Variants in VPS35L observed in about 807,000 individuals in gnomAD.
The protein encoded by VPS35L is VPS35 endosomal protein-sorting factor-like.
A neutral mutation model predicts 133.0 loss-of-function variants in VPS35L; 83 were observed. That is an observed-to-expected ratio of 0.62 (90% CI 0.52 to 0.75). The LOEUF (loss-of-function observed/expected upper bound fraction) is 0.75. Ranked by LOEUF, VPS35L falls within the 30% of genes least tolerant of loss-of-function variation. The pLI is 0.00. For missense variants in VPS35L, 1,083 were observed against 1,206.8 expected (o/e 0.90, Z 1.52); for synonymous variants, 423 against 449.9 (o/e 0.94, Z 0.76).
chr16:19,693,917 C>G (rs1975800608), intron 29 of VPS35L: 1 of 146,674 alleles, frequency 6.8e-6, no homozygotes, highest in African/African-American at 2.6e-5. Context: ...CCACTGCACT[C>G]CAGCCTAGGC....
At chr16:19,665,713 C>T (rs571661762) in intron 26 of VPS35L, among the ~76,000 whole-genome samples, 4 of 152,114 alleles carry the variant, frequency 2.6e-5, no homozygotes, top group Non-Finnish European at 5.9e-5. Flanking sequence ...ATTGCTGGAT[C>T]CTATGGTAGC....
chr16:19,623,606 CCAA>C (rs1480319573), intron 14 of VPS35L, among the ~76,000 whole-genome samples: 1 of 152,060 alleles, frequency 6.6e-6, no homozygotes. Flanking sequence ...AACAGTATCT[CCAA>C]CGTCAGCTCT....
chr16:19,583,721 A>G (rs1395681455), intron 7 of VPS35L, among the ~76,000 whole-genome samples: 1 of 143,714 alleles, frequency 7.0e-6, no homozygotes, highest in Non-Finnish European at 1.5e-5. Context: ...GATTGTCTCA[A>G]AAAAAAAAAA....
At chr16:19,613,874 G>A (rs1972804873) in intron 12 of VPS35L, among the ~76,000 whole-genome samples, 2 of 152,294 alleles carry the variant, frequency 1.3e-5, no homozygotes, top group South Asian at 4.1e-4. Flanking sequence ...AGCAATGGGG[G>A]GGATGAATGC....
intron 4 of VPS35L, 86 bp from the exon 5 acceptor site, chr16:19,575,012 C>T: frequency 1.8e-6 from 2 of 1,097,198 alleles, no homozygotes; most frequent in South Asian, 3.0e-5. Flanking sequence ...ATTTCTTTCT[C>T]TTGGGTATGT....
chr16:19,689,799 T>C (rs1219413033), intron 28 of VPS35L, among the ~76,000 whole-genome samples: 1 of 152,174 alleles, frequency 6.6e-6, no homozygotes, highest in Non-Finnish European at 1.5e-5. Context: ...GCATAATATA[T>C]ATAGGATTCA....
At chr16:19,696,775 A>C (rs930002045) in intron 29 of VPS35L, among the ~76,000 whole-genome samples, 1 of 152,198 alleles carries the variant, frequency 6.6e-6, no homozygotes, top group Non-Finnish European at 1.5e-5. Context: ...TTGAGAAGAT[A>C]TGGAATGGAG....
At chr16:19,634,006 A>G (rs1973542726) in intron 19 of VPS35L, among the ~76,000 whole-genome samples, 1 of 151,730 alleles carries the variant, frequency 6.6e-6, no homozygotes, top group Admixed American at 6.6e-5. Context: ...GATTACAGGC[A>G]TGAGCCACTG....
intron 29 of VPS35L, chr16:19,694,144 C>G (rs1975817609): frequency 6.7e-6 from 1 of 149,714 alleles, no homozygotes; most frequent in Non-Finnish European, 1.5e-5. Context: ...ACCCCAAATA[C>G]CCTGGCACAA....
intron 28 of VPS35L, among the ~76,000 whole-genome samples, chr16:19,687,743 G>C (rs1020751664): frequency 6.6e-6 from 1 of 152,108 alleles, no homozygotes; most frequent in Admixed American, 6.5e-5. Context: ...ATGTGTGTCT[G>C]TCCATCCTTG....
intron 28 of VPS35L, 33 bp from the exon 29 acceptor site, chr16:19,691,320 G>T: frequency 6.4e-7 from 1 of 1,566,502 alleles, no homozygotes; most frequent in South Asian, 1.1e-5. Context: ...CGCGGGGCTT[G>T]GGTCTGTCTC....
chr16:19,647,218 C>G (rs1357853739), intron 23 of VPS35L, among the ~76,000 whole-genome samples: 1 of 152,078 alleles, frequency 6.6e-6, no homozygotes, highest in Admixed American at 6.5e-5. Flanking sequence ...ACGGCATTGT[C>G]TGAAAGTTAC....
chr16:19,677,389 G>GT (rs1364206083), intron 27 of VPS35L, among the ~76,000 whole-genome samples: 1 of 152,114 alleles, frequency 6.6e-6, no homozygotes, highest in African/African-American at 2.4e-5. Context: ...GCAAGAAAAA[G>GT]TTTTTTAATG....
In VPS35L at chr16:19,629,835, G is replaced by A. The variant is rs749456662; in HGVS notation, c.1554+15G>A. Reference sequence around the variant, plus strand: ...AGCATTTCACGGTATGTGTGACTGTGGTATTGTTTTTGAAAGAATTAGATT... The same window carrying A: ...AGCATTTCACGGTATGTGTGACTGTAGTATTGTTTTTGAAAGAATTAGATT... On this transcript the variant is annotated intron_variant, in intron 18 of 30. Coordinates refer to ENST00000417362, the MANE Select transcript of VPS35L (RefSeq NM_020314.7). 2 of 1,611,480 alleles carry A rather than the reference G, an allele frequency of 1.2e-6. No homozygotes were observed. The highest frequency in any genetic ancestry group is 1.1e-5 in the South Asian group (1 of 90,978).
At chr16:19,696,697 G>A (rs1158650475) in intron 29 of VPS35L, among the ~76,000 whole-genome samples, 1 of 152,084 alleles carries the variant, frequency 6.6e-6, no homozygotes, top group African/African-American at 2.4e-5. Context: ...CCTCAGACAC[G>A]TCTCCAATGA....
intron 28 of VPS35L, among the ~76,000 whole-genome samples, chr16:19,689,861 A>G (rs973122829): frequency 6.6e-6 from 1 of 152,158 alleles, no homozygotes; most frequent in Non-Finnish European, 1.5e-5. Context: ...CGTATCCCCC[A>G]AGGATAAGGG....
intron 26 of VPS35L, 36 bp downstream of exon 26, chr16:19,652,126 T>TG: frequency 7.0e-7 from 1 of 1,429,248 alleles, no homozygotes; most frequent in African/African-American, 1.4e-5. Flanking sequence ...GGCACTCCCT[T>TG]GCTGCTTAGG....
intron 26 of VPS35L, among the ~76,000 whole-genome samples, chr16:19,658,643 T>C (rs1380572933): frequency 2.0e-5 from 3 of 151,868 alleles, no homozygotes; most frequent in African/African-American, 7.3e-5. Flanking sequence ...AAAATGTGCT[T>C]GGGAATTTTA....
intron 26 of VPS35L, among the ~76,000 whole-genome samples, chr16:19,666,908 C>CT (rs375028571): frequency 1.2e-5 from 1 of 82,774 alleles, no homozygotes; most frequent in South Asian, 3.8e-4. Flanking sequence ...TTCTTTCTTT[C>CT]TTTCTTTCTT....
Sources: gnomAD v4.1 joint callset for allele counts (sites outside exome capture counted in the v4.1 genomes callset) on GRCh38, gnomAD v4.1.1 for gene constraint, MANE v1.5 for transcripts, NCBI Gene and HGNC (gene_info 2026-07-23, HGNC 2026-07-21) for gene names.